The following RAB25 variants were observed in gnomAD, a reference collection of about 807,000 sequenced individuals.
RAB25 encodes the protein ras-related protein Rab-25.
A neutral mutation model predicts 25.2 loss-of-function variants in RAB25; 23 were observed. The observed-to-expected ratio is 0.91, with a 90% CI of 0.66 to 1.29. The LOEUF (loss-of-function observed/expected upper bound fraction) is 1.29. RAB25 is among the 50% of genes most tolerant of loss of function. The pLI is 0.00. For missense variants in RAB25, 244 were observed against 277.3 expected (o/e 0.88, Z 0.85); for synonymous variants, 102 against 111.5 (o/e 0.91, Z 0.54).
chr1:156,069,825 A>G, intron 4 of RAB25, 74 bp downstream of exon 4: 1 of 1,315,318 alleles, frequency 7.6e-7, no homozygotes, highest in Non-Finnish European at 1.1e-6. Context: ...GAATGCAGAC[A>G]CTCAGCCCTC....
chr1:156,069,952 C>G, intron 4 of RAB25: 2 of 869,350 alleles, frequency 2.3e-6, no homozygotes, highest in Non-Finnish European at 3.7e-6. Flanking sequence ...GGCCACACTC[C>G]CCATGGGGCT....
chr1:156,061,470 G>A, intron 1 of RAB25, 27 bp downstream of exon 1: 1 of 1,610,414 alleles, frequency 6.2e-7, no homozygotes, highest in Middle Eastern at 1.7e-4. Context: ...GAAGCAAGAG[G>A]AAGCCTGAGA....
At chr1:156,066,207 GCAGTGGGCTCT>G in intron 2 of RAB25, 101 bp downstream of exon 2, 1 of 962,366 alleles carries the variant, frequency 1.0e-6, no homozygotes, top group Non-Finnish European at 1.4e-6. Context: ...AGGGGGCTCA[GCAGTGGGCTCT>G]GGGGGGTGGG....
intron 1 of RAB25, among the ~76,000 whole-genome samples, chr1:156,063,613 G>A (rs976175322): frequency 2.6e-5 from 4 of 152,194 alleles, no homozygotes; most frequent in African/African-American, 9.7e-5. Flanking sequence ...AGGCTGCCCA[G>A]AAAAGGCATG....
rs199754703 is a variant in RAB25 at position 156,065,942 on chromosome 1, G to C, written c.75G>C (p.Lys25Asn). ...TGATCGGCGAATCAGGTGTGGGGAAGACCAATCTACTCTCCCGATTCACGC... is the reference window on the plus strand; with the variant it reads ...TGATCGGCGAATCAGGTGTGGGGAACACCAATCTACTCTCCCGATTCACGC... ...VVLIGESGVG[K>N]TNLLSRFTRN... The change falls in exon 2 of 5, where the codon AAG becomes AAC. Residue 25 changes from lysine to asparagine, a missense_variant. Lys to Asn is a moderately conservative substitution (Grantham distance 94). Transcript: ENST00000361084. 2.9e-4 allele frequency: 468 copies of C among 1,611,416 alleles called. 3 individuals carry two copies. The South Asian group carries it at 3.9e-3, about 13-fold the overall frequency.
At chr1:156,066,826 G>A (rs1647760620) in intron 2 of RAB25, among the ~76,000 whole-genome samples, 1 of 152,088 alleles carries the variant, frequency 6.6e-6, no homozygotes. Context: ...TGTAGTCCCA[G>A]ATACTTGAGA....
chr1:156,066,660 C>A (rs762931002), intron 2 of RAB25, among the ~76,000 whole-genome samples: 2 of 152,128 alleles, frequency 1.3e-5, no homozygotes, highest in Non-Finnish European at 1.5e-5. Context: ...TCTCTTAGGC[C>A]GGGTGTGTTG....
chr1:156,062,027 A>G (rs1647598403), intron 1 of RAB25, among the ~76,000 whole-genome samples: 1 of 151,704 alleles, frequency 6.6e-6, no homozygotes, highest in African/African-American at 2.4e-5. Context: ...TGATCCGCCT[A>G]CCTCGGCCTC....
Sources: gnomAD v4.1 joint callset for allele counts (sites outside exome capture counted in the v4.1 genomes callset) on GRCh38, gnomAD v4.1.1 for gene constraint, MANE v1.5 for transcripts, NCBI Gene and HGNC (gene_info 2026-07-23, HGNC 2026-07-21) for gene names.